The following PNLIPRP3 variants were observed in gnomAD, a reference collection of about 807,000 sequenced individuals.
PNLIPRP3 encodes pancreatic lipase related protein 3.
A neutral mutation model predicts 52.8 loss-of-function variants in PNLIPRP3; 58 were observed. The observed-to-expected ratio is 1.10, with a 90% confidence interval of 0.89 to 1.37. PNLIPRP3 has a LOEUF of 1.37. Ranked by LOEUF, PNLIPRP3 falls within the 40% of genes most tolerant of loss-of-function variation. PNLIPRP3 has a pLI of 0.00. For missense variants in PNLIPRP3, 593 were observed against 561.6 expected (o/e 1.06, Z -0.57); for synonymous variants, 192 against 185.0 (o/e 1.04, Z -0.31).
intron 1 of PNLIPRP3, among the ~76,000 whole-genome samples, chr10:116,432,853 G>A (rs1376405879): frequency 6.6e-6 from 1 of 151,956 alleles, no homozygotes; most frequent in African/African-American, 2.4e-5. Context: ...GGTGGCTCAT[G>A]CCTGTAATCC....
In PNLIPRP3 at chr10:116,461,224, C is replaced by T. The variant is rs757723005; in HGVS notation, c.742C>T (p.His248Tyr). The T allele has an allele frequency of 6.2e-7, 1 of 1,613,756 alleles. No individual in the cohort carries two copies. The highest frequency in any genetic ancestry group is 2.2e-5 in the East Asian group (1 of 44,894). The change falls in exon 7 of 12, where the codon CAC (histidine) becomes TAC (tyrosine). Residue 248 changes from histidine to tyrosine, a missense_variant. By Grantham distance (83) the His-to-Tyr change is moderately conservative. Transcript: ENST00000369230. ...TGACTTTTACCCAAATGGAGGGAAG[C>T]ACATGCCAGGATGTGAAGACTTAAT... ...HLDFYPNGGK[H>Y]MPGCEDLITP... is the part of the protein sequence containing the mutation.
rs1172276985 is a variant in PNLIPRP3, at chr10:116,431,581, G to A, written c.49+3520G>A. The stretch of plus-strand genomic sequence containing the variant: ...TTTATGTAGTAAAATACATGACTAC[G>A]ATCCCACATAATTTAATCTCATATT... On this transcript the variant is annotated intron_variant, in intron 1 of 11. Coordinates refer to ENST00000369230, the MANE Select transcript of PNLIPRP3 (RefSeq NM_001011709.3). Among the ~76,000 whole-genome samples, 9 of 152,140 alleles carry A rather than the reference G, an allele frequency of 5.9e-5. No homozygotes were observed. In the East Asian group the frequency reaches 1.4e-3, roughly 23 times the overall value.
chr10:116,468,306 T>C (rs1846313180), intron 8 of PNLIPRP3, among the ~76,000 whole-genome samples: 1 of 152,022 alleles, frequency 6.6e-6, no homozygotes, highest in African/African-American at 2.4e-5. Context: ...TGTCTATCGA[T>C]TGCTAAAGAA....
chr10:116,444,465 T>A lies in PNLIPRP3; in HGVS notation c.408T>A (p.Asn136Lys). The change falls in exon 4 of 12, where the codon AAT becomes AAA. Residue 136 changes from asparagine to lysine, a missense_variant. By Grantham distance (94) the Asn-to-Lys change is moderately conservative. Transcript: ENST00000369230. ...GSREYIHAVN[N>K]LRVVGAEVAY... ...GGGAATACATCCATGCTGTAAACAA[T>A]CTCCGTGTTGTTGGTGCTGAGGTGG... The A allele has an allele frequency of 6.2e-7, 1 of 1,613,762 alleles. No homozygotes were observed. The highest frequency in any genetic ancestry group is 1.1e-5 in the South Asian group (1 of 91,060).
chr10:116,455,725 AAATTT>A lies in PNLIPRP3; in HGVS notation c.461_465del (p.Lys154ArgfsTer6), dbSNP rs1340447254. On this transcript the variant is annotated frameshift_variant, in exon 5 of 12. Transcript: ENST00000369230. LOFTEE classifies it high-confidence loss of function. ...TTCTGTTAAACAATTCTTTCAGAAA[AAATTT>A]GAATATTCCCCTTCTAAAGTGCACT... 4 of 1,612,180 alleles carry A rather than the reference AAATTT, an allele frequency of 2.5e-6. No individual in the cohort carries two copies. Among genetic ancestry groups the A allele is most frequent in the Non-Finnish European group, 3.4e-6 (4 of 1,178,648 alleles).
intron 5 of PNLIPRP3, among the ~76,000 whole-genome samples, chr10:116,457,521 C>A (rs1224592031): frequency 6.6e-6 from 1 of 152,172 alleles, no homozygotes; most frequent in Admixed American, 6.5e-5. Context: ...AGTCATCTCT[C>A]TTCTCCTAAC....
At chr10:116,455,696 C>T (rs752653814) in intron 4 of PNLIPRP3, 26 bp from the exon 5 acceptor site, 24 of 1,516,940 alleles carry the variant, frequency 1.6e-5, no homozygotes, top group Non-Finnish European at 1.9e-5. Context: ...TTTTAAAATA[C>T]TTATTCTGTT....
intron 4 of PNLIPRP3, among the ~76,000 whole-genome samples, chr10:116,449,082 A>C (rs1190395134): frequency 1.3e-5 from 2 of 152,048 alleles, no homozygotes; most frequent in Admixed American, 6.6e-5. Flanking sequence ...AGTCCTAGAT[A>C]CTCAGGAGGC....
At chr10:116,454,311 G>C (rs997925057) in intron 4 of PNLIPRP3, among the ~76,000 whole-genome samples, 4 of 152,040 alleles carry the variant, frequency 2.6e-5, no homozygotes, top group African/African-American at 7.3e-5. Flanking sequence ...AGTAGAGATG[G>C]GTTTCACTAT....
rs777095770 is a variant in PNLIPRP3, at chr10:116,469,293, A to C, written c.1036A>C (p.Thr346Pro). 34 of 1,608,406 alleles carry C rather than the reference A, an allele frequency of 2.1e-5. No homozygotes were observed. Among genetic ancestry groups the C allele is most frequent in the South Asian group, 4.5e-5 (4 of 89,364 alleles). Residue 346 changes from threonine to proline, a missense_variant, in exon 9 of 12, where the codon ACA (threonine) becomes CCA (proline). By Grantham distance (38) the Thr-to-Pro change is conservative (BLOSUM62 -1). Coordinates refer to ENST00000369230, the MANE Select transcript of PNLIPRP3 (RefSeq NM_001011709.3). ...KTNGSHYFLN[T>P]GSLSPFARWR... ...TAATGGATCACATTATTTTTTAAAC[A>C]CAGGGTCCCTTTCCCCATTTGCCCG...
intron 2 of PNLIPRP3, among the ~76,000 whole-genome samples, chr10:116,437,893 G>A (rs112846894): frequency 6.1e-4 from 93 of 152,196 alleles, no homozygotes; most frequent in African/African-American, 2.0e-3. Context: ...GAATATTTCC[G>A]TCATCACAGA....
At chr10:116,437,252 T>G (rs755966529) in intron 2 of PNLIPRP3, among the ~76,000 whole-genome samples, 9 of 152,182 alleles carry the variant, frequency 5.9e-5, no homozygotes, top group Non-Finnish European at 1.3e-4. Flanking sequence ...ACAAATACCT[T>G]TCTTGCAACA....
In PNLIPRP3 at chr10:116,434,205, T is replaced by G. The variant is rs576559163; in HGVS notation, c.50-2506T>G. 4.3e-3 allele frequency among the ~76,000 whole-genome samples: 657 copies of G among 152,310 alleles called. 4 individuals carry two copies. Among genetic ancestry groups the G allele is most frequent in the African/African-American group, 0.015 (618 of 41,574 alleles). On this transcript the variant is annotated intron_variant, in intron 1 of 11. Coordinates refer to ENST00000369230, the MANE Select transcript of PNLIPRP3 (RefSeq NM_001011709.3). Reference sequence around the variant, plus strand: ...TTTTTATTATTATAAAGGTAATTCATATTTATTACTGAAAATTTGATAACA... The same window carrying G: ...TTTTTATTATTATAAAGGTAATTCAGATTTATTACTGAAAATTTGATAACA...
At chr10:116,447,702 A>AAGAC in intron 4 of PNLIPRP3, among the ~76,000 whole-genome samples, 1 of 152,290 alleles carries the variant, frequency 6.6e-6, no homozygotes, top group South Asian at 2.1e-4. Flanking sequence ...TTGGGAGGCC[A>AAGAC]AGACAGGCAG....
intron 2 of PNLIPRP3, chr10:116,439,579 C>T: frequency 1.2e-6 from 1 of 816,904 alleles, no homozygotes; most frequent in Non-Finnish European, 2.1e-6. Flanking sequence ...TTATAGTCAG[C>T]AACATCCTTC....
At position 116,431,149 on chromosome 10, in the gene PNLIPRP3, A is replaced by G. The variant is rs367616445; in HGVS notation, c.49+3088A>G. On this transcript the variant is annotated intron_variant, in intron 1 of 11. Transcript: ENST00000369230. The stretch of plus-strand genomic sequence containing the variant: ...CTCAAAATCCATGCAGAACCTGACC[A>G]CTTGTAACCACACCACTGCTACCAC... Among the ~76,000 whole-genome samples the G allele has an allele frequency of 1.1e-3, 169 of 152,282 alleles. 2 individuals carry two copies. The highest frequency in any genetic ancestry group is 3.8e-3 in the African/African-American group (156 of 41,556).
intron 4 of PNLIPRP3, among the ~76,000 whole-genome samples, chr10:116,454,844 T>C (rs897053166): frequency 3.9e-5 from 6 of 152,234 alleles, no homozygotes; most frequent in Non-Finnish European, 4.4e-5. Context: ...TGCAATGAAA[T>C]GGAAGTGCAA....
intron 7 of PNLIPRP3, among the ~76,000 whole-genome samples, chr10:116,463,388 G>A (rs1352371686): frequency 6.6e-6 from 1 of 152,166 alleles, no homozygotes; most frequent in East Asian, 1.9e-4. Context: ...GGAACCCTGG[G>A]ACTTGTTCTC....
Position 116,437,250 on chromosome 10 carries a change from C to A in PNLIPRP3, c.204+385C>A, listed in dbSNP as rs144073987. On this transcript the variant is annotated intron_variant, in intron 2 of 11. Transcript: ENST00000369230. ...AGAAATGACATGTACAAACAAATAC[C>A]TTTCTTGCAACACAAATTATGATCT... 4.7e-3 allele frequency among the ~76,000 whole-genome samples: 717 copies of A among 152,230 alleles called. 7 individuals are homozygous for A. The highest frequency in any genetic ancestry group is 0.017 in the African/African-American group (687 of 41,538).
Sources: gnomAD v4.1 joint callset for allele counts (sites outside exome capture counted in the v4.1 genomes callset) on GRCh38, gnomAD v4.1.1 for gene constraint, MANE v1.5 for transcripts, NCBI Gene and HGNC (gene_info 2026-07-23, HGNC 2026-07-21) for gene names.